Variants in STIL observed in about 807,000 individuals in gnomAD.
STIL encodes the protein STIL centriolar assembly protein, also known as SCL-interrupting locus protein.
In STIL, 55 loss-of-function variants were observed where a neutral mutation model predicts 110.1. The ratio of observed to expected loss-of-function variants is 0.50; its 90% CI spans 0.40 to 0.63. STIL has a LOEUF of 0.63. Ranked by LOEUF, STIL falls within the 20% of genes least tolerant of loss-of-function variation. STIL has a pLI of 0.00. For missense variants in STIL, 1,358 were observed against 1,530.0 expected (o/e 0.89, Z 1.87); for synonymous variants, 481 against 530.0 (o/e 0.91, Z 1.27).
chr1:47,304,435 T>A (rs1645893916), intron 3 of STIL, among the ~76,000 whole-genome samples: 1 of 152,202 alleles, frequency 6.6e-6, no homozygotes, highest in African/African-American at 2.4e-5. Context: ...AGAATACTAC[T>A]TTTAACAAGT....
chr1:47,286,608 T>A (rs1165774880), intron 10 of STIL, among the ~76,000 whole-genome samples: 1 of 151,432 alleles, frequency 6.6e-6, no homozygotes, highest in African/African-American at 2.4e-5. Context: ...GGCAGGAGAA[T>A]GGCGTGGACC....
intron 14 of STIL, among the ~76,000 whole-genome samples, chr1:47,268,216 G>A (rs2148824986): frequency 6.6e-6 from 1 of 152,288 alleles, no homozygotes; most frequent in African/African-American, 2.4e-5. Context: ...GAAGGCTGAG[G>A]CAGGCGGATC....
rs11371469 is a variant in STIL, at chr1:47,279,727, C to CAAAAA, written c.2217+509_2217+513dup. Reference sequence around the variant, plus strand: ...CTGCGCAACAGAAGAGACTCCGTCTCAAAAAAAAAAAAAAAAAACAACAAA... The same window carrying CAAAAA: ...CTGCGCAACAGAAGAGACTCCGTCTCAAAAAAAAAAAAAAAAAAAAAAACAACAAA... On this transcript the variant is annotated intron_variant, in intron 12 of 16. Transcript: ENST00000371877. Among the ~76,000 whole-genome samples the CAAAAA allele has an allele frequency of 2.3e-3, 189 of 82,764 alleles. 1 individual carries two copies. The highest frequency in any genetic ancestry group is 7.3e-3 in the African/African-American group (177 of 24,152). The allele number at this position is 82,764 out of a possible 152,430, so 54.3% of individuals were successfully genotyped here.
intron 7 of STIL, 26 bp downstream of exon 7, chr1:47,295,739 G>C: frequency 6.6e-7 from 1 of 1,507,370 alleles, no homozygotes; most frequent in Non-Finnish European, 9.2e-7. Context: ...GGCTGATAAG[G>C]TTTTCATAAA....
chr1:47,278,482 AATATT>A (rs1242368257), intron 12 of STIL, among the ~76,000 whole-genome samples: 1 of 152,126 alleles, frequency 6.6e-6, no homozygotes, highest in Non-Finnish European at 1.5e-5. Flanking sequence ...TGTGATCTAT[AATATT>A]ATATTTTAAG....
chr1:47,295,618 A>G (rs1221374357), intron 7 of STIL, 147 bp downstream of exon 7: 4 of 621,316 alleles, frequency 6.4e-6, no homozygotes, highest in Middle Eastern at 4.3e-4. Context: ...AGCTGATTCT[A>G]CTAGTAAAAT....
intron 8 of STIL, among the ~76,000 whole-genome samples, chr1:47,291,107 C>T (rs1165263876): frequency 1.3e-5 from 2 of 152,186 alleles, no homozygotes; most frequent in South Asian, 2.1e-4. Context: ...CGCCTGTAAT[C>T]GCAGCACTTT....
intron 16 of STIL, among the ~76,000 whole-genome samples, chr1:47,254,948 C>T (rs1228805968): frequency 6.6e-6 from 1 of 152,098 alleles, no homozygotes; most frequent in Non-Finnish European, 1.5e-5. Context: ...TAGCCAATTT[C>T]AATTTGGAGG....
intron 16 of STIL, among the ~76,000 whole-genome samples, chr1:47,255,879 CAGGT>C (rs1644314893): frequency 6.6e-6 from 1 of 152,160 alleles, no homozygotes; most frequent in African/African-American, 2.4e-5. Context: ...AAATAGAAAG[CAGGT>C]CTTCCTTCCC....
At chr1:47,252,071 T>C (rs1162551315) in intron 16 of STIL, 149 bp from the exon 17 acceptor site, 16 of 843,162 alleles carry the variant, frequency 1.9e-5, no homozygotes, top group Non-Finnish European at 2.9e-5. Context: ...TAAGTCTTGA[T>C]GATCCAGATA....
chr1:47,250,269 T>C lies in STIL; in HGVS notation c.*867A>G, dbSNP rs1298026306. ...ATTCTTTGATAGCCAGTGTGACATGTTGAAGATGTTACACCAAAACCAACC... is the reference window on the plus strand; with the variant it reads ...ATTCTTTGATAGCCAGTGTGACATGCTGAAGATGTTACACCAAAACCAACC... On this transcript the variant is annotated 3_prime_UTR_variant, in exon 17 of 17. Coordinates refer to ENST00000371877, the MANE Select transcript of STIL (RefSeq NM_001048166.1). The C allele has an allele frequency of 5.7e-6, 1 of 175,118 alleles. No individual in the cohort carries two copies. Among genetic ancestry groups the C allele is most frequent in the Non-Finnish European group, 1.2e-5 (1 of 81,178 alleles). 10.8% of individuals were successfully genotyped at this position (175,118 alleles called of 1,614,324 possible).
chr1:47,256,127 A>T (rs1570003213), intron 16 of STIL, among the ~76,000 whole-genome samples: 1 of 152,232 alleles, frequency 6.6e-6, no homozygotes, highest in East Asian at 1.9e-4. Flanking sequence ...CTTTTAGTAT[A>T]CCAGTTATAT....
intron 14 of STIL, among the ~76,000 whole-genome samples, chr1:47,266,745 A>T (rs1439067217): frequency 6.6e-6 from 1 of 152,222 alleles, no homozygotes; most frequent in East Asian, 1.9e-4. Context: ...TTAGTTTATT[A>T]ATCAGTTAGT....
intron 12 of STIL, among the ~76,000 whole-genome samples, chr1:47,272,552 G>A (rs546120161): frequency 2.6e-5 from 4 of 151,156 alleles, no homozygotes; most frequent in Non-Finnish European, 4.4e-5. Flanking sequence ...GGGCTCAATC[G>A]ATCCTCCCAC....
At chr1:47,294,998 T>TGCA in intron 7 of STIL, among the ~76,000 whole-genome samples, 1 of 152,104 alleles carries the variant, frequency 6.6e-6, no homozygotes, top group South Asian at 2.1e-4. Context: ...CTCAGCTCAC[T>TGCA]GCAACCTCCA....
intron 3 of STIL, 81 bp downstream of exon 3, chr1:47,304,808 T>C (rs914218824): frequency 2.9e-6 from 3 of 1,050,606 alleles, no homozygotes; most frequent in Admixed American, 4.0e-5. Context: ...TAATTGGTCA[T>C]AGTAATCAAC....
chr1:47,282,781 G>C (rs961990900), intron 10 of STIL: 52 of 265,296 alleles, frequency 2.0e-4, no homozygotes, highest in Middle Eastern at 1.3e-3. Context: ...CTTAGTACTT[G>C]CTGTCAAAAA....
Position 47,280,809 on chromosome 1 carries a change from T to G in STIL, c.1649A>C (p.Glu550Ala). ...AAGTGTGGAGGGTCTTATAGGATAC[T>G]CTTCGTTTTGTACATTTCCAGCAGA... Reference protein sequence around the residue: ...TVSAGNVQNEEYPIRPSTLNS... With the variant: ...TVSAGNVQNEAYPIRPSTLNS... Residue 550 changes from glutamate to alanine, a missense_variant, in exon 12 of 17, where the codon GAG becomes GCG. Coordinates refer to ENST00000371877, the MANE Select transcript of STIL (RefSeq NM_001048166.1). The G allele has an allele frequency of 6.2e-7, 1 of 1,614,208 alleles. No individual in the cohort carries two copies. The highest frequency in any genetic ancestry group is 1.1e-5 in the South Asian group (1 of 91,082).
At position 47,251,777 on chromosome 1, in the gene STIL, T is replaced by A; in HGVS notation, c.3226A>T (p.Asn1076Tyr). The A allele has an allele frequency of 6.2e-7, 1 of 1,613,568 alleles. No homozygotes were observed. The highest frequency in any genetic ancestry group is 8.5e-7 in the Non-Finnish European group (1 of 1,179,796). The change falls in exon 17 of 17, where the codon AAT (asparagine) becomes TAT (tyrosine). Residue 1076 changes from asparagine (N) to tyrosine (Y), a missense_variant. Physicochemically the swap from Asn to Tyr is moderately radical, Grantham distance 143. Transcript: ENST00000371877. ...NAIALKYLNENQLSQLSVTRS... is the reference protein window; with the variant it reads ...NAIALKYLNEYQLSQLSVTRS... ...GTGACAGACAGTTGTGACAGCTGATTTTCATTTAAATATTTCAGAGCTATA... is the reference window on the plus strand; with the variant it reads ...GTGACAGACAGTTGTGACAGCTGATATTCATTTAAATATTTCAGAGCTATA...
Sources: allele counts gnomAD v4.1 joint callset (sites outside exome capture counted in the v4.1 genomes callset), GRCh38; gene constraint gnomAD v4.1.1; transcripts MANE v1.5; gene names NCBI Gene and HGNC (gene_info 2026-07-23, HGNC 2026-07-21).